The following ZNF688 variants were observed in gnomAD, a reference collection of about 807,000 sequenced individuals.
ZNF688 encodes zinc finger protein 688.
ZNF688 carries 10 observed loss-of-function variants against 13.2 expected under a neutral mutation model. The observed-to-expected ratio is 0.76, with a 90% CI of 0.47 to 1.28. The LOEUF (loss-of-function observed/expected upper bound fraction) is 1.28. Ranked by LOEUF, ZNF688 falls within the 50% of genes most tolerant of loss-of-function variation. The probability of loss-of-function intolerance (pLI) is 0.00; values close to 1 mark genes in which losing one functional copy is unlikely to be tolerated. For missense variants in ZNF688, 381 were observed against 391.4 expected (o/e 0.97, Z 0.22); for synonymous variants, 160 against 159.4 (o/e 1.00, Z -0.03).
In ZNF688 at chr16:30,571,466, A is replaced by C. The variant is rs1173499365; in HGVS notation, c.164T>G (p.Met55Arg). ...PAQRALYRDV[M>R]QETYGHLGAL... ...GCCCAGGTGGCCGTAGGTCTCCTGC[A>C]TCACGTCCCGGTACAGAGCCCTCTG... The change falls in exon 1 of 3, where the codon ATG becomes AGG. Residue 55 changes from methionine to arginine, a missense_variant. Transcript: ENST00000223459. 1 of 1,586,570 alleles carries C rather than the reference A, an allele frequency of 6.3e-7. No individual in the cohort carries two copies. Among genetic ancestry groups the C allele is most frequent in the African/African-American group, 1.3e-5 (1 of 74,370 alleles).
the ZNF688 span, chr16:30,578,633 C>G: frequency 2.6e-5 from 4 of 152,258 alleles, no homozygotes; most frequent in Admixed American, 2.0e-4. Flanking sequence ...AAACGATTCT[C>G]CTGCCTCAGC....
At chr16:30,579,650 G>C in the ZNF688 span, 5 of 393,200 alleles carry the variant, frequency 1.3e-5, no homozygotes, top group African/African-American at 1.0e-4. Context: ...ACAGTGCTGG[G>C]ATCACAGGTG....
chr16:30,573,481 C>T (rs74015013), upstream of ZNF688, among the ~76,000 whole-genome samples: 665 of 152,206 alleles, frequency 4.4e-3, 3 homozygotes, highest in African/African-American at 0.015. Context: ...TTGCCTTCAT[C>T]CCCACATTTG....
At chr16:30,579,274 G>C in the ZNF688 span, 1 of 153,390 alleles carries the variant, frequency 6.5e-6, no homozygotes, top group Non-Finnish European at 1.5e-5. Flanking sequence ...GTAGAATCTA[G>C]GTGATGCTAA....
chr16:30,571,989 C>A, upstream of ZNF688: 1 of 1,377,558 alleles, frequency 7.3e-7, no homozygotes, highest in Non-Finnish European at 9.4e-7. Flanking sequence ...ACTTCTCTGG[C>A]CTCATCGTCC....
chr16:30,571,747 A>G, upstream of ZNF688: 1 of 1,337,874 alleles, frequency 7.5e-7, no homozygotes, highest in Non-Finnish European at 9.5e-7. Context: ...TGGCGTCCGA[A>G]CGCAGCCGAG....
upstream of ZNF688, among the ~76,000 whole-genome samples, chr16:30,573,145 G>A (rs1488306546): frequency 6.6e-6 from 1 of 151,290 alleles, no homozygotes; most frequent in African/African-American, 2.4e-5. Flanking sequence ...GACCTCAGGT[G>A]ATCCTCCCGC....
upstream of ZNF688, among the ~76,000 whole-genome samples, chr16:30,573,391 G>A (rs2051715058): frequency 6.6e-6 from 1 of 151,908 alleles, no homozygotes; most frequent in South Asian, 2.1e-4. Flanking sequence ...TGTATCTTCC[G>A]CTTCCTAGAT....
In ZNF688 at chr16:30,571,031, T is replaced by C. The variant is rs1329626504; in HGVS notation, c.289A>G (p.Arg97Gly). The change falls in exon 2 of 3, where the codon AGA becomes GGA. Residue 97 changes from arginine to glycine, a missense_variant. By Grantham distance (125) the Arg-to-Gly change is moderately radical. Transcript: ENST00000223459. ...PAAQDPEKGE[R>G]LGGARRGDVP... ...TCACCTCTCCGAGCTCCTCCCAGTC[T>C]TTCCCCCTTCTCAGGATCCTGGGCG... 2.5e-6 allele frequency: 4 copies of C among 1,613,292 alleles called. No homozygotes were observed. The South Asian group carries it at 4.4e-5, about 18-fold the overall frequency.
the ZNF688 span, chr16:30,578,813 G>C: frequency 6.8e-6 from 1 of 148,088 alleles, no homozygotes; most frequent in African/African-American, 2.5e-5. Flanking sequence ...TTACAGGTGT[G>C]AGCCACTGCG....
chr16:30,572,107 C>G (rs28671006), upstream of ZNF688: 4 of 1,562,634 alleles, frequency 2.6e-6, no homozygotes, highest in African/African-American at 1.4e-5. Context: ...TGTAAGGGCC[C>G]GAAGCTTCAC....
upstream of ZNF688, among the ~76,000 whole-genome samples, chr16:30,576,741 G>T (rs991301565): frequency 6.6e-6 from 1 of 151,988 alleles, no homozygotes; most frequent in East Asian, 1.9e-4. Flanking sequence ...GTTTTATTTT[G>T]ATTCTCCTTC....
upstream of ZNF688, chr16:30,572,046 G>C (rs2051694970): frequency 2.8e-6 from 4 of 1,420,468 alleles, no homozygotes; most frequent in Admixed American, 7.9e-5. Flanking sequence ...TCTAGTGGGG[G>C]AGGCGGGGTG....
At chr16:30,578,860 T>C in the ZNF688 span, 1 of 148,620 alleles carries the variant, frequency 6.7e-6, no homozygotes, top group Non-Finnish European at 1.5e-5. Context: ...GTCTTGCTGT[T>C]ACTCAGACTG....
upstream of ZNF688, chr16:30,572,269 T>G: frequency 6.5e-7 from 1 of 1,533,778 alleles, no homozygotes; most frequent in Non-Finnish European, 8.8e-7. Flanking sequence ...AGCGGAGACC[T>G]CGGCATCTGC....
rs571533290 is a variant in ZNF688, at chr16:30,570,939, G to A, written c.310+71C>T. 6.1e-5 allele frequency: 89 copies of A among 1,469,740 alleles called. No individual in the cohort carries two copies. The East Asian group carries it at 1.9e-3, about 31-fold the overall frequency. The allele number at this position is 1,469,740 out of a possible 1,614,324, so 91.0% of individuals were successfully genotyped here. A position where few individuals can be genotyped will look rare whatever the true frequency, so the allele number is the denominator to read the frequency against. On this transcript the variant is annotated intron_variant, in intron 2 of 2. Transcript: ENST00000223459. ...TTCTTTAGGGATGCTGGAAGTGGGG[G>A]CCTGAAAAGAAACTCTGCTAGACAG...
At chr16:30,572,194 T>C, upstream of ZNF688, 4 of 1,607,190 alleles carry the variant, frequency 2.5e-6, no homozygotes, top group Non-Finnish European at 2.5e-6. Context: ...GTGATTGGCC[T>C]GGGACTGGCG....
intron 1 of ZNF688, 88 bp downstream of exon 1, chr16:30,571,346 T>A (rs750305851): frequency 3.0e-5 from 46 of 1,534,310 alleles, no homozygotes; most frequent in Non-Finnish European, 3.8e-5. Flanking sequence ...GAGTGCGGGA[T>A]TAGGGCTCAC....
chr16:30,574,932 T>C (rs1261921808), upstream of ZNF688, among the ~76,000 whole-genome samples: 1 of 152,204 alleles, frequency 6.6e-6, no homozygotes, highest in East Asian at 1.9e-4. Flanking sequence ...TCAACTTTTC[T>C]AGCTCCCACA....
Sources: gnomAD v4.1 joint callset for allele counts (sites outside exome capture counted in the v4.1 genomes callset) on GRCh38, gnomAD v4.1.1 for gene constraint, MANE v1.5 for transcripts, NCBI Gene and HGNC (gene_info 2026-07-23, HGNC 2026-07-21) for gene names.